UNC5B: variants seen among roughly 807,000 people sequenced by gnomAD.
UNC5B encodes the protein netrin receptor UNC5B.
Under a neutral mutation model 103.7 loss-of-function variants are expected in UNC5B, and 56 were observed. The ratio of observed to expected loss-of-function variants is 0.54; its 90% CI spans 0.44 to 0.67. The LOEUF is 0.67. Ranked by LOEUF, UNC5B falls within the 30% of genes least tolerant of loss-of-function variation. UNC5B has a pLI of 0.00. For synonymous variants in UNC5B, 577 were observed against 542.0 expected (o/e 1.06, Z -0.90); for missense variants, 1,194 against 1,284.5 (o/e 0.93, Z 1.08).
chr10:71,257,546 T>A (rs1489910262), intron 1 of UNC5B, among the ~76,000 whole-genome samples: 2 of 152,142 alleles, frequency 1.3e-5, no homozygotes, highest in African/African-American at 4.8e-5. Flanking sequence ...GACTGGGTGG[T>A]GAGCTTCCTC....
intron 1 of UNC5B, among the ~76,000 whole-genome samples, chr10:71,259,896 T>C (rs538643750): frequency 2.0e-5 from 3 of 152,324 alleles, no homozygotes; most frequent in African/African-American, 7.2e-5. Flanking sequence ...CCCAGGGGAC[T>C]GGATAGGGGC....
At position 71,295,424 on chromosome 10, in the gene UNC5B, A is replaced by G. The variant is rs572683090; in HGVS notation, c.2176-387A>G. ...CATATACCCATTCAGTCAGCAGCCC[A>G]TCTGTTTACCCAGTCATTGCTCGTC... is the stretch of plus-strand genomic sequence containing the variant. On this transcript the variant is annotated intron_variant, in intron 13 of 16. Transcript: ENST00000335350. Among the ~76,000 whole-genome samples, 6 of 152,292 alleles carry G rather than the reference A, an allele frequency of 3.9e-5. No individual in the cohort carries two copies. In the South Asian group the frequency reaches 1.2e-3, roughly 32 times the overall value.
chr10:71,297,962 C>T lies in UNC5B; in HGVS notation c.2544C>T (p.Thr848=), dbSNP rs373327201. The T allele has an allele frequency of 4.3e-5, 69 of 1,613,872 alleles. No individual in the cohort carries two copies. The highest frequency in any genetic ancestry group is 5.5e-5 in the Non-Finnish European group (65 of 1,179,990). ...TLCSAPGSTV[T]TQLGPYAFKI... is the part of the protein sequence containing the mutation. ...GCTCTGCCCCTGGCAGCACTGTCAC[C>T]ACCCAGCTGGGACCTTATGCCTTCA... Residue 848 remains threonine (T), a synonymous_variant, in exon 16 of 17, where the codon ACC becomes ACT. Coordinates refer to ENST00000335350, the MANE Select transcript of UNC5B (RefSeq NM_170744.5).
chr10:71,285,588 C>T (rs966874042), intron 4 of UNC5B, among the ~76,000 whole-genome samples, 159 bp downstream of exon 4: 1 of 152,222 alleles, frequency 6.6e-6, no homozygotes, highest in African/African-American at 2.4e-5. Flanking sequence ...AGAACTGTTA[C>T]CTCTGTCGAA....
chr10:71,267,329 A>G (rs1589178355), intron 1 of UNC5B, among the ~76,000 whole-genome samples: 1 of 152,154 alleles, frequency 6.6e-6, no homozygotes, highest in East Asian at 1.9e-4. Context: ...GGATTATAAG[A>G]GCCTGGAGAT....
At position 71,213,008 on chromosome 10, in the gene UNC5B, G is replaced by C. The variant is rs763579521; in HGVS notation, c.23G>C (p.Arg8Pro). Residue 8 changes from arginine to proline, a missense_variant, in exon 1 of 17, where the codon CGG becomes CCG. By Grantham distance (103) the Arg-to-Pro change is moderately radical. Transcript: ENST00000335350. The surrounding 1 kb of genome is among the most constrained non-coding windows in gnomAD (Gnocchi z 4.1). MGARSGA[R>P]GALLLALLLC... ...AGCATGGGGGCCCGGAGCGGAGCTC[G>C]GGGCGCGCTGCTGCTGGCACTGCTG... The C allele has an allele frequency of 8.9e-5, 126 of 1,411,264 alleles. No homozygotes were observed. The highest frequency in any genetic ancestry group is 8.5e-5 in the Non-Finnish European group (92 of 1,076,700). The allele number at this position is 1,411,264 out of a possible 1,614,324, so 87.4% of individuals were successfully genotyped here. A position where few individuals can be genotyped will look rare whatever the true frequency, so the allele number is the denominator to read the frequency against.
chr10:71,252,723 C>T (rs988049506), intron 1 of UNC5B, among the ~76,000 whole-genome samples: 3 of 152,186 alleles, frequency 2.0e-5, no homozygotes, highest in Non-Finnish European at 4.4e-5. Flanking sequence ...CAAGGCCAGA[C>T]CCCTTCACAG....
chr10:71,283,079 C>T (rs995566631), intron 2 of UNC5B, among the ~76,000 whole-genome samples: 4 of 152,034 alleles, frequency 2.6e-5, no homozygotes, highest in East Asian at 1.9e-4. Flanking sequence ...GAGATTGCGC[C>T]GCTGCACTCC....
intron 14 of UNC5B, among the ~76,000 whole-genome samples, chr10:71,296,315 G>A (rs946978): frequency 0.87 from 132,769 of 152,176 alleles, 58,304 homozygotes; most frequent in Non-Finnish European, 0.92. Context: ...ACCCAGCAGC[G>A]CCTGAGACCA....
intron 1 of UNC5B, among the ~76,000 whole-genome samples, chr10:71,246,823 A>G (rs1040333765): frequency 9.2e-5 from 14 of 152,336 alleles, no homozygotes; most frequent in African/African-American, 2.9e-4. Context: ...AGAGGGGAGC[A>G]GAGGGCGGCT....
chr10:71,289,615 A>C (rs967684700), intron 8 of UNC5B, among the ~76,000 whole-genome samples: 1 of 152,234 alleles, frequency 6.6e-6, no homozygotes, highest in Non-Finnish European at 1.5e-5. Flanking sequence ...TGGAATCATA[A>C]AATCAGTGAG....
At chr10:71,271,136 ACCCCGT>A (rs1333056231) in intron 1 of UNC5B, among the ~76,000 whole-genome samples, 1 of 151,880 alleles carries the variant, frequency 6.6e-6, no homozygotes, top group Non-Finnish European at 1.5e-5. Context: ...GGAAGCTGAG[ACCCCGT>A]CCCCTCCAGC....
At chr10:71,259,923 A>G (rs1419388770) in intron 1 of UNC5B, among the ~76,000 whole-genome samples, 1 of 152,222 alleles carries the variant, frequency 6.6e-6, no homozygotes, top group Non-Finnish European at 1.5e-5. Flanking sequence ...GAGTCTGCCC[A>G]TCGTGGCTGT....
Position 71,291,049 on chromosome 10 carries a change from G to A in UNC5B, c.1234G>A (p.Asp412Asn), listed in dbSNP as rs376352556. 6.2e-7 allele frequency: 1 copy of A among 1,614,152 alleles called. No individual in the cohort carries two copies. The change falls in exon 9 of 17, where the codon GAC becomes AAC. Residue 412 changes from aspartate to asparagine, a missense_variant. By Grantham distance (23) the Asp-to-Asn change is conservative. Transcript: ENST00000335350. ...CCGTGACTTCGACACAGACATCACT[G>A]ACTCATCTGCTGCCCTGACTGGTGG... ...NCRDFDTDIT[D>N]SSAALTGGFH...
At chr10:71,256,803 G>A (rs1193215371) in intron 1 of UNC5B, among the ~76,000 whole-genome samples, 3 of 152,250 alleles carry the variant, frequency 2.0e-5, no homozygotes, top group African/African-American at 7.2e-5. Context: ...GATAGATGGG[G>A]AAGCAGGGGC....
chr10:71,260,666 G>A (rs978538198), intron 1 of UNC5B, among the ~76,000 whole-genome samples: 8 of 152,208 alleles, frequency 5.3e-5, no homozygotes, highest in South Asian at 2.1e-4. Context: ...GCAGCAGGCC[G>A]TCCTCATTAA....
chr10:71,294,047 C>A, intron 13 of UNC5B, 114 bp downstream of exon 13: 1 of 956,946 alleles, frequency 1.0e-6, no homozygotes, highest in Non-Finnish European at 1.5e-6. Flanking sequence ...CCGCCACCAG[C>A]ATTATTAGGT....
intron 1 of UNC5B, among the ~76,000 whole-genome samples, chr10:71,266,263 C>T (rs1313284975): frequency 6.6e-6 from 1 of 151,966 alleles, no homozygotes; most frequent in Non-Finnish European, 1.5e-5. Context: ...GAAGCAGGTC[C>T]CACGCACTCC....
At chr10:71,218,370 C>T (rs1843381858) in intron 1 of UNC5B, 1 of 152,250 alleles carries the variant, frequency 6.6e-6, no homozygotes, top group African/African-American at 2.4e-5. Flanking sequence ...CAGTGAGTCA[C>T]CACCAGGCAT....
Sources: allele counts gnomAD v4.1 joint callset (sites outside exome capture counted in the v4.1 genomes callset), GRCh38; gene constraint gnomAD v4.1.1; non-coding constraint Gnocchi (gnomAD v3.1); transcripts MANE v1.5; gene names NCBI Gene and HGNC (gene_info 2026-07-23, HGNC 2026-07-21).